The following DCLRE1C variants were observed in gnomAD, a reference collection of about 807,000 sequenced individuals.
DCLRE1C encodes DNA cross-link repair 1C.
In DCLRE1C, 47 loss-of-function variants were observed where a neutral mutation model predicts 61.4. The observed-to-expected ratio is 0.77, with a 90% CI of 0.61 to 0.98. DCLRE1C has a LOEUF of 0.98. Ranked by LOEUF, DCLRE1C falls within the 50% of genes least tolerant of loss-of-function variation. The pLI is 0.00. For missense variants in DCLRE1C, 858 were observed against 816.0 expected, an observed-to-expected ratio of 1.05 and a Z score of -0.63; for synonymous variants, 337 against 287.6, an observed-to-expected ratio of 1.17 and a Z score of -1.74.
rs1333413725 is a variant in DCLRE1C at position 14,906,671 on chromosome 10, T to C, written c.*1737A>G. On this transcript the variant is annotated 3_prime_UTR_variant, in exon 14 of 14. Transcript: ENST00000378278. Reference sequence around the variant, plus strand: ...CCATGCAGCATCATGATAATGCATATCAAGTGTTAGTTTAACTGATCTGCA... The same window carrying C: ...CCATGCAGCATCATGATAATGCATACCAAGTGTTAGTTTAACTGATCTGCA... Among the ~76,000 whole-genome samples the C allele has an allele frequency of 6.6e-6, 1 of 152,230 alleles. No homozygotes were observed. Among genetic ancestry groups the C allele is most frequent in the Admixed American group, 6.5e-5 (1 of 15,288 alleles).
At chr10:14,909,974 T>A (rs879719030) in intron 13 of DCLRE1C, among the ~76,000 whole-genome samples, 217 of 152,320 alleles carry the variant, frequency 1.4e-3, no homozygotes, top group African/African-American at 4.8e-3. Context: ...AAGCCTTACT[T>A]AGAAAAACAA....
chr10:14,912,560 T>C (rs1011421168), intron 13 of DCLRE1C, among the ~76,000 whole-genome samples: 2 of 152,262 alleles, frequency 1.3e-5, no homozygotes, highest in African/African-American at 4.8e-5. Flanking sequence ...TAAAATGTTG[T>C]ATGCCTGTAC....
intron 3 of DCLRE1C, among the ~76,000 whole-genome samples, chr10:14,940,768 G>C (rs571831917): frequency 4.9e-4 from 74 of 152,250 alleles, no homozygotes; most frequent in African/African-American, 1.7e-3. Flanking sequence ...GGGTGTTAAA[G>C]TATTTTTGCA....
rs971914398 is a variant in DCLRE1C at position 14,909,258 on chromosome 10, G to C, written c.1229C>G (p.Thr410Ser). The change falls in exon 14 of 14, where the codon ACT (threonine) becomes AGT (serine). Residue 410 changes from threonine to serine, a missense_variant. Thr to Ser is a moderately conservative substitution (Grantham distance 58). This residue lies in a region of DCLRE1C where 843 missense variants were observed against 783.5 expected (regional missense o/e 1.08). Coordinates refer to ENST00000378278, the MANE Select transcript of DCLRE1C (RefSeq NM_001033855.3). Reference sequence around the variant, plus strand: ...CATTGAAAATACCTCAGGGTGAAAAGTTTCCGGGTATGGAACTTTGTGCCT... The same window carrying C: ...CATTGAAAATACCTCAGGGTGAAAACTTTCCGGGTATGGAACTTTGTGCCT... The part of the protein sequence containing the change: ...PLRHKVPYPE[T>S]FHPEVFSMTA... The C allele has an allele frequency of 6.2e-7, 1 of 1,613,832 alleles. No individual in the cohort carries two copies. The highest frequency in any genetic ancestry group is 2.2e-5 in the East Asian group (1 of 44,882).
chr10:14,902,015 G>A (rs1834059455), downstream of DCLRE1C, among the ~76,000 whole-genome samples: 1 of 151,922 alleles, frequency 6.6e-6, no homozygotes, highest in Admixed American at 6.6e-5. Context: ...AAGAATGATG[G>A]CCTTTACATA....
chr10:14,924,366 A>G (rs541763229), intron 11 of DCLRE1C, among the ~76,000 whole-genome samples: 8 of 152,334 alleles, frequency 5.3e-5, no homozygotes, highest in African/African-American at 1.7e-4. Flanking sequence ...AAACAGAGGA[A>G]CTCTGTCACT....
At position 14,907,216 on chromosome 10, in the gene DCLRE1C, C is replaced by A. The variant is rs559856223; in HGVS notation, c.*1192G>T. On this transcript the variant is annotated 3_prime_UTR_variant, in exon 14 of 14. Transcript: ENST00000378278. The stretch of plus-strand genomic sequence containing the variant: ...CCGCTTCTAATTTGGCCACCGTATT[C>A]ACATCAAGGTTAAGTGACTTAACAT... Among the ~76,000 whole-genome samples, 61 of 151,482 alleles carry A rather than the reference C, an allele frequency of 4.0e-4. No homozygotes were observed. The highest frequency in any genetic ancestry group is 1.5e-3 in the African/African-American group (61 of 41,230).
At chr10:14,929,882 G>A (rs144614227) in intron 9 of DCLRE1C, among the ~76,000 whole-genome samples, 1 of 152,136 alleles carries the variant, frequency 6.6e-6, no homozygotes, top group African/African-American at 2.4e-5. Context: ...TCTATGAGCT[G>A]TGGACCTACC....
chr10:14,928,994 G>C (rs762888795), intron 9 of DCLRE1C, among the ~76,000 whole-genome samples: 6 of 152,034 alleles, frequency 3.9e-5, no homozygotes, highest in Non-Finnish European at 8.8e-5. Flanking sequence ...TGGCTGGGCT[G>C]GTCTCGAACT....
rs762842349 is a variant in DCLRE1C at position 14,932,864 on chromosome 10, C to T, written c.770G>A (p.Arg257Gln). ...CACTTGCACACGTACCTTGGGATGC[C>T]GGCATGCATGGATCTGAGTGTTGCG... ...TDRNTQIHACRHPKAEEYFQW... is the reference protein window; with the variant it reads ...TDRNTQIHACQHPKAEEYFQW... Residue 257 changes from arginine (R) to glutamine (Q), a missense_variant, in exon 9 of 14, where the codon CGG becomes CAG. Transcript: ENST00000378278. 9.3e-6 allele frequency: 15 copies of T among 1,613,992 alleles called. No individual in the cohort carries two copies. The highest frequency in any genetic ancestry group is 2.2e-5 in the South Asian group (2 of 91,082).
chr10:14,940,406 A>C (rs1479479473), intron 3 of DCLRE1C, among the ~76,000 whole-genome samples: 1 of 151,056 alleles, frequency 6.6e-6, no homozygotes, highest in Middle Eastern at 3.2e-3. Context: ...CTCCTGCCTC[A>C]GCCTCCCAAG....
chr10:14,920,273 A>C, intron 12 of DCLRE1C: 1 of 549,650 alleles, frequency 1.8e-6, no homozygotes, highest in South Asian at 4.3e-5. Context: ...ATCTCACAGG[A>C]ATCTCCACAA....
At chr10:14,929,566 TGG>T (rs1361490419) in intron 9 of DCLRE1C, among the ~76,000 whole-genome samples, 1 of 149,208 alleles carries the variant, frequency 6.7e-6, no homozygotes, top group Non-Finnish European at 1.5e-5. Flanking sequence ...CACTTGAGCC[TGG>T]GGGGTCGAGG....
chr10:14,949,574 A>AGG (rs1249446179), intron 1 of DCLRE1C, among the ~76,000 whole-genome samples: 1 of 152,266 alleles, frequency 6.6e-6, no homozygotes, highest in Non-Finnish European at 1.5e-5. Flanking sequence ...ATGGATTGAA[A>AGG]GGGGAATATT....
In DCLRE1C at chr10:14,907,523, T is replaced by A. The variant is rs186883834; in HGVS notation, c.*885A>T. Among the ~76,000 whole-genome samples the A allele has an allele frequency of 6.6e-6, 1 of 152,290 alleles. No homozygotes were observed. The highest frequency in any genetic ancestry group is 1.9e-4 in the East Asian group (1 of 5,186). ...GAGGGATGTTAAATTAATCCCTAGC[T>A]GTAATTGTGCATTAGTTTGTCTCTT... On this transcript the variant is annotated 3_prime_UTR_variant, in exon 14 of 14. Transcript: ENST00000378278.
chr10:14,949,160 C>A, intron 1 of DCLRE1C, 73 bp from the exon 2 acceptor site: 1 of 1,056,264 alleles, frequency 9.5e-7, no homozygotes, highest in South Asian at 1.3e-5. Context: ...AAACAGTCGT[C>A]TTCTTTTTCA....
exon 14 of DCLRE1C, chr10:14,899,055 G>T: frequency 1.7e-6 from 1 of 590,814 alleles, no homozygotes; most frequent in Non-Finnish European, 3.0e-6. Flanking sequence ...AAATCAACCA[G>T]TTACAGTTAA....
rs1382000595 is a variant in DCLRE1C at position 14,907,777 on chromosome 10, T to C, written c.*631A>G. Reference sequence around the variant, plus strand: ...GGGTTATGTTGGTTTTTTCCGTGTCTCTTGTCATTGATGCACTTAGACCAT... The same window carrying C: ...GGGTTATGTTGGTTTTTTCCGTGTCCCTTGTCATTGATGCACTTAGACCAT... On this transcript the variant is annotated 3_prime_UTR_variant, in exon 14 of 14. Coordinates refer to ENST00000378278, the MANE Select transcript of DCLRE1C (RefSeq NM_001033855.3). 6.6e-6 allele frequency: 1 copy of C among 152,172 alleles called. No individual in the cohort carries two copies. Among genetic ancestry groups the C allele is most frequent in the Non-Finnish European group, 1.5e-5 (1 of 68,060 alleles). 9.4% of individuals were successfully genotyped at this position (152,172 alleles called of 1,614,324 possible).
chr10:14,939,262 C>A (rs1363181047), intron 4 of DCLRE1C, among the ~76,000 whole-genome samples: 4 of 152,072 alleles, frequency 2.6e-5, no homozygotes, highest in Non-Finnish European at 5.9e-5. Flanking sequence ...CATGGTGAAA[C>A]CCCTTCTCTA....
Sources: gnomAD v4.1 joint callset for allele counts (sites outside exome capture counted in the v4.1 genomes callset) on GRCh38, gnomAD v4.1.1 for gene constraint, gnomAD v4.1.1 regional missense constraint, MANE v1.5 for transcripts, NCBI Gene and HGNC (gene_info 2026-07-23, HGNC 2026-07-21) for gene names.